PDE4B: variants seen among roughly 807,000 people sequenced by gnomAD.
PDE4B encodes the protein 3',5'-cyclic-AMP phosphodiesterase 4B.
PDE4B carries 20 observed loss-of-function variants against 82.2 expected under a neutral mutation model. The observed-to-expected ratio is 0.24, with a 90% CI of 0.17 to 0.35. The LOEUF is 0.35. Ranked by LOEUF, PDE4B falls within the 10% of genes least tolerant of loss-of-function variation. The probability of loss-of-function intolerance (pLI) is 1.00; values close to 1 mark genes in which losing one functional copy is unlikely to be tolerated. For missense variants in PDE4B, 655 were observed against 907.2 expected, an observed-to-expected ratio of 0.72 and a Z score of 3.57; for synonymous variants, 320 against 318.9, an observed-to-expected ratio of 1.00 and a Z score of -0.04.
intron 7 of PDE4B, among the ~76,000 whole-genome samples, chr1:66,284,017 T>C (rs1230861644): frequency 6.6e-6 from 1 of 152,152 alleles, no homozygotes; most frequent in Non-Finnish European, 1.5e-5. Flanking sequence ...ATAATGGAGA[T>C]ACAGAAATGA....
At chr1:66,145,762 A>G (rs540784238) in intron 3 of PDE4B, among the ~76,000 whole-genome samples, 3 of 152,332 alleles carry the variant, frequency 2.0e-5, no homozygotes, top group Admixed American at 2.0e-4. Flanking sequence ...GATAAAACAA[A>G]GAAGGTGCCT....
intron 3 of PDE4B, among the ~76,000 whole-genome samples, chr1:66,067,591 G>C (rs1452279920): frequency 6.6e-5 from 10 of 151,790 alleles, no homozygotes; most frequent in South Asian, 2.1e-4. Context: ...GATATTAGCC[G>C]TTTGTCAGAT....
At chr1:66,001,961 A>G (rs1651889089) in intron 3 of PDE4B, among the ~76,000 whole-genome samples, 1 of 151,974 alleles carries the variant, frequency 6.6e-6, no homozygotes. Flanking sequence ...GGGCTCAAGC[A>G]ATCTGCCTGC....
intron 3 of PDE4B, among the ~76,000 whole-genome samples, chr1:66,223,079 G>C (rs1031272163): frequency 2.6e-5 from 4 of 152,104 alleles, no homozygotes; most frequent in African/African-American, 9.7e-5. Flanking sequence ...TGTGTGCCAG[G>C]TGTGTTCCAG....
chr1:65,895,679 T>C (rs1262550955), intron 1 of PDE4B, among the ~76,000 whole-genome samples: 1 of 151,560 alleles, frequency 6.6e-6, no homozygotes, highest in Non-Finnish European at 1.5e-5. Context: ...AAATATACTA[T>C]TTACCTTCTT....
At chr1:66,240,057 T>C (rs1383300777) in intron 3 of PDE4B, among the ~76,000 whole-genome samples, 1 of 152,236 alleles carries the variant, frequency 6.6e-6, no homozygotes, top group Non-Finnish European at 1.5e-5. Context: ...GAAGGCATTC[T>C]AGCCCCTCCC....
chr1:66,041,622 G>A (rs1654377333), intron 3 of PDE4B, among the ~76,000 whole-genome samples: 1 of 151,872 alleles, frequency 6.6e-6, no homozygotes, highest in Non-Finnish European at 1.5e-5. Flanking sequence ...CCTATAGGAA[G>A]CATGGCCAGT....
At chr1:65,815,839 A>T (rs935919411) in intron 1 of PDE4B, among the ~76,000 whole-genome samples, 1 of 152,248 alleles carries the variant, frequency 6.6e-6, no homozygotes, top group Non-Finnish European at 1.5e-5. Context: ...AAAAGGATTC[A>T]TACATATTGC....
At chr1:65,892,195 G>C (rs920976281) in intron 1 of PDE4B, among the ~76,000 whole-genome samples, 1 of 151,962 alleles carries the variant, frequency 6.6e-6, no homozygotes, top group Non-Finnish European at 1.5e-5. Context: ...AGGAAACTGA[G>C]GCCTGCTGAG....
chr1:66,174,954 A>G (rs1646905684), intron 3 of PDE4B, among the ~76,000 whole-genome samples: 1 of 152,146 alleles, frequency 6.6e-6, no homozygotes, highest in African/African-American at 2.4e-5. Context: ...CAGGAGAGAG[A>G]GAGGGAGGAG....
chr1:66,336,218 A>G (rs1660504438), intron 8 of PDE4B, among the ~76,000 whole-genome samples: 1 of 152,148 alleles, frequency 6.6e-6, no homozygotes, highest in African/African-American at 2.4e-5. Flanking sequence ...GGTGACTACA[A>G]TTTCCTGTCT....
chr1:66,103,219 T>G lies in PDE4B; in HGVS notation c.282-144241T>G, dbSNP rs1225430707. Among the ~76,000 whole-genome samples, 2 of 152,134 alleles carry G rather than the reference T, an allele frequency of 1.3e-5. 1 individual carries two copies. Among genetic ancestry groups the G allele is most frequent in the Non-Finnish European group, 2.9e-5 (2 of 68,002 alleles). On this transcript the variant is annotated intron_variant, in intron 3 of 16. Transcript: ENST00000341517. Reference sequence around the variant, plus strand: ...GAGTTGTTGCTATTGTTGAGCATTGTGGGGTAAGAGAAATCCTGCCTCACG... The same window carrying G: ...GAGTTGTTGCTATTGTTGAGCATTGGGGGGTAAGAGAAATCCTGCCTCACG...
At chr1:66,030,905 G>A (rs12563550) in intron 3 of PDE4B, among the ~76,000 whole-genome samples, 10,772 of 152,200 alleles carry the variant, frequency 0.071, 695 homozygotes, top group East Asian at 0.26. Context: ...TGGGGGCTAA[G>A]CATTTAATAC....
chr1:65,842,720 A>G (rs539310137), intron 1 of PDE4B, among the ~76,000 whole-genome samples: 24 of 152,302 alleles, frequency 1.6e-4, no homozygotes, highest in African/African-American at 5.3e-4. Flanking sequence ...AATACCCACA[A>G]ACATAGAGGC....
intron 7 of PDE4B, among the ~76,000 whole-genome samples, chr1:66,322,703 C>T (rs1189422736): frequency 6.6e-6 from 1 of 151,368 alleles, no homozygotes; most frequent in Non-Finnish European, 1.5e-5. Context: ...GCAAAAAATT[C>T]CTGTGTTGAA....
chr1:66,070,926 T>C (rs1656123702), intron 3 of PDE4B, among the ~76,000 whole-genome samples: 1 of 152,114 alleles, frequency 6.6e-6, no homozygotes, highest in South Asian at 2.1e-4. Context: ...CATCATTTTA[T>C]TGATTACAAA....
chr1:65,816,056 A>G (rs1330535681), intron 1 of PDE4B, among the ~76,000 whole-genome samples: 2 of 152,146 alleles, frequency 1.3e-5, no homozygotes, highest in East Asian at 3.9e-4. Flanking sequence ...CTTGTGTTTC[A>G]GTTTTAGAAG....
intron 3 of PDE4B, among the ~76,000 whole-genome samples, chr1:66,225,625 T>C (rs767604512): frequency 2.6e-5 from 4 of 152,208 alleles, no homozygotes; most frequent in Non-Finnish European, 5.9e-5. Context: ...TTCAACTAGA[T>C]TTGGGCTCTA....
intron 3 of PDE4B, among the ~76,000 whole-genome samples, chr1:66,197,513 T>C (rs1648431193): frequency 6.6e-6 from 1 of 152,154 alleles, no homozygotes; most frequent in Non-Finnish European, 1.5e-5. Context: ...TATTCAGGAA[T>C]GTTGTTTCTC....
Sources: allele counts gnomAD v4.1 joint callset (sites outside exome capture counted in the v4.1 genomes callset), GRCh38; gene constraint gnomAD v4.1.1; transcripts MANE v1.5; gene names NCBI Gene and HGNC (gene_info 2026-07-23, HGNC 2026-07-21).